Variants in SNTB1 observed in about 807,000 individuals in gnomAD.
The protein encoded by SNTB1 is syntrophin beta 1, also known as beta-1-syntrophin.
A neutral mutation model predicts 48.9 loss-of-function variants in SNTB1; 36 were observed. That is an observed-to-expected ratio of 0.74 (90% CI 0.56 to 0.97). The LOEUF is 0.97. SNTB1 is among the 50% of genes least tolerant of loss of function. The pLI, the probability that SNTB1 is intolerant of heterozygous loss-of-function variation, is 0.00. For synonymous variants in SNTB1, 299 were observed against 294.6 expected (o/e 1.01, Z -0.15); for missense variants, 786 against 703.4 (o/e 1.12, Z -1.33).
chr8:120,779,793 T>C (rs1587156667), intron 1 of SNTB1, among the ~76,000 whole-genome samples: 1 of 152,022 alleles, frequency 6.6e-6, no homozygotes, highest in Non-Finnish European at 1.5e-5. Flanking sequence ...GAGTGAAAGA[T>C]GATAGTTTTG....
intron 5 of SNTB1, 148 bp downstream of exon 5, chr8:120,548,614 C>A: frequency 3.0e-6 from 2 of 677,932 alleles, no homozygotes; most frequent in Non-Finnish European, 5.0e-6. Flanking sequence ...AGGGTATAGA[C>A]CTCCTTAATT....
At chr8:120,619,724 A>G (rs1816764642) in intron 3 of SNTB1, among the ~76,000 whole-genome samples, 1 of 152,122 alleles carries the variant, frequency 6.6e-6, no homozygotes, top group Non-Finnish European at 1.5e-5. Flanking sequence ...TTGAATGCTG[A>G]TGACTTGCAC....
intron 2 of SNTB1, chr8:120,638,310 C>T (rs1270317732): frequency 2.6e-5 from 4 of 152,342 alleles, no homozygotes; most frequent in Admixed American, 2.6e-4. Context: ...CACTCTCCCA[C>T]TATCCGTCTC....
At chr8:120,801,902 C>T (rs1820232350) in intron 1 of SNTB1, among the ~76,000 whole-genome samples, 1 of 152,092 alleles carries the variant, frequency 6.6e-6, no homozygotes, top group Non-Finnish European at 1.5e-5. Flanking sequence ...TCTACTAGGA[C>T]CAAATTCGAG....
chr8:120,747,738 C>T (rs1397097336), intron 1 of SNTB1, among the ~76,000 whole-genome samples: 2 of 148,234 alleles, frequency 1.3e-5, no homozygotes, highest in African/African-American at 2.6e-5. Context: ...GGCTTAATAC[C>T]TGGGTGAAGA....
intron 3 of SNTB1, among the ~76,000 whole-genome samples, chr8:120,595,862 A>G (rs1430914087): frequency 6.6e-6 from 1 of 151,960 alleles, no homozygotes; most frequent in Non-Finnish European, 1.5e-5. Flanking sequence ...GGATTCCTCT[A>G]CTTTCTTAAT....
At chr8:120,561,599 CTT>C (rs1815662215) in intron 4 of SNTB1, among the ~76,000 whole-genome samples, 1 of 152,040 alleles carries the variant, frequency 6.6e-6, no homozygotes, top group Admixed American at 6.5e-5. Flanking sequence ...CATATATTCT[CTT>C]GTCTAACTGT....
intron 1 of SNTB1, chr8:120,775,595 G>C (rs1819718124): frequency 6.6e-6 from 1 of 151,634 alleles, no homozygotes; most frequent in Admixed American, 6.6e-5. Context: ...GATGAGGATG[G>C]GGGTAGACAG....
At chr8:120,713,118 G>A (rs113351713) in intron 1 of SNTB1, among the ~76,000 whole-genome samples, 36 of 152,188 alleles carry the variant, frequency 2.4e-4, no homozygotes, top group African/African-American at 8.4e-4. Context: ...ACGATCATCT[G>A]GGTTGAGGTT....
Position 120,538,475 on chromosome 8 carries a change from G to A in SNTB1, c.*402C>T, listed in dbSNP as rs1815233187. 2 of 321,942 alleles carry A rather than the reference G, an allele frequency of 6.2e-6. No homozygotes were observed. The highest frequency in any genetic ancestry group is 1.3e-5 in the Non-Finnish European group (2 of 155,990). 19.9% of individuals were successfully genotyped at this position (321,942 alleles called of 1,614,324 possible). ...GGGGATAGGGGGCTAGGAGGAGTAG[G>A]TAAGAATGTCCATTTCTCAACTATT... On this transcript the variant is annotated 3_prime_UTR_variant, in exon 7 of 7. Transcript: ENST00000517992.
At chr8:120,712,744 A>G (rs1337168848) in intron 1 of SNTB1, among the ~76,000 whole-genome samples, 1 of 152,130 alleles carries the variant, frequency 6.6e-6, no homozygotes, top group Non-Finnish European at 1.5e-5. Flanking sequence ...GTTCATAGGC[A>G]ACTATGAACT....
chr8:120,738,629 A>G (rs192747687), intron 1 of SNTB1, among the ~76,000 whole-genome samples: 27 of 148,710 alleles, frequency 1.8e-4, no homozygotes, highest in African/African-American at 6.3e-4. Flanking sequence ...ACAATCATCC[A>G]TCCTAGCACT....
intron 1 of SNTB1, among the ~76,000 whole-genome samples, chr8:120,707,549 G>T (rs1167538304): frequency 6.6e-6 from 1 of 152,188 alleles, no homozygotes; most frequent in African/African-American, 2.4e-5. Flanking sequence ...TACCAGTCAA[G>T]ATAGTTGGGC....
intron 1 of SNTB1, among the ~76,000 whole-genome samples, chr8:120,755,745 G>A (rs192091813): frequency 3.9e-5 from 6 of 152,098 alleles, no homozygotes; most frequent in Admixed American, 1.3e-4. Context: ...GGTAATAAAG[G>A]TAACAACAGG....
chr8:120,715,399 T>C (rs1483013496), intron 1 of SNTB1, among the ~76,000 whole-genome samples: 4 of 152,284 alleles, frequency 2.6e-5, no homozygotes, highest in African/African-American at 9.6e-5. Flanking sequence ...TTGGTTCTCA[T>C]CAAAAAGTGA....
At chr8:120,797,854 C>A (rs1189521527) in intron 1 of SNTB1, among the ~76,000 whole-genome samples, 1 of 151,938 alleles carries the variant, frequency 6.6e-6, no homozygotes, top group Admixed American at 6.6e-5. Context: ...TGAGGCCAGG[C>A]AGGTGCAGTG....
chr8:120,728,649 G>T (rs939903547), intron 1 of SNTB1, among the ~76,000 whole-genome samples: 1 of 152,198 alleles, frequency 6.6e-6, no homozygotes, highest in African/African-American at 2.4e-5. Flanking sequence ...CTGCATCCAT[G>T]TTGCTGCAAA....
At chr8:120,654,044 A>AAAAG (rs1411426421) in intron 2 of SNTB1, among the ~76,000 whole-genome samples, 1 of 126,972 alleles carries the variant, frequency 7.9e-6, no homozygotes. Flanking sequence ...TGCCTCAAAA[A>AAAAG]AAAAAAAAAA....
At chr8:120,583,810 T>C (rs1293895551) in intron 3 of SNTB1, among the ~76,000 whole-genome samples, 1 of 152,106 alleles carries the variant, frequency 6.6e-6, no homozygotes, top group East Asian at 1.9e-4. Context: ...TATAAACCAG[T>C]ACGCCTCATG....
Sources: allele counts gnomAD v4.1 joint callset (sites outside exome capture counted in the v4.1 genomes callset), GRCh38; gene constraint gnomAD v4.1.1; transcripts MANE v1.5; gene names NCBI Gene and HGNC (gene_info 2026-07-23, HGNC 2026-07-21).